PRELID2: variants seen among roughly 807,000 people sequenced by gnomAD.
PRELID2 encodes PRELI domain containing 2, also known as PRELI domain-containing protein 2.
In PRELID2, 25 loss-of-function variants were observed where a neutral mutation model predicts 28.4. The observed-to-expected ratio is 0.88, with a 90% CI of 0.64 to 1.23. The LOEUF (loss-of-function observed/expected upper bound fraction) is 1.23, where lower values mean the gene tolerates loss of function less well. Ranked by LOEUF, PRELID2 falls within the 50% of genes most tolerant of loss-of-function variation. The pLI is 0.00. For missense variants in PRELID2, 201 were observed against 214.4 expected (o/e 0.94, Z 0.39); for synonymous variants, 76 against 71.6 (o/e 1.06, Z -0.31).
intron 1 of PRELID2, among the ~76,000 whole-genome samples, chr5:145,671,941 T>C (rs1754714728): frequency 1.3e-5 from 2 of 152,110 alleles, no homozygotes; most frequent in South Asian, 4.1e-4. Context: ...AGAACTGCAA[T>C]TCAGAAACAA....
intron 5 of PRELID2, among the ~76,000 whole-genome samples, chr5:145,786,366 T>C (rs1367704507): frequency 6.6e-6 from 1 of 152,182 alleles, no homozygotes; most frequent in African/African-American, 2.4e-5. Flanking sequence ...GTCACTTCAA[T>C]TAGTTTATAA....
At chr5:145,762,434 G>A (rs761106699) in intron 6 of PRELID2, among the ~76,000 whole-genome samples, 4 of 151,906 alleles carry the variant, frequency 2.6e-5, no homozygotes, top group Non-Finnish European at 5.9e-5. Flanking sequence ...CTACTAAGGG[G>A]GCTGAGGTGT....
chr5:145,792,415 T>G (rs867270267), intron 5 of PRELID2, among the ~76,000 whole-genome samples: 2 of 152,350 alleles, frequency 1.3e-5, no homozygotes, highest in South Asian at 4.1e-4. Context: ...AAGCACTAGC[T>G]GTTATTTTAA....
intron 2 of PRELID2, among the ~76,000 whole-genome samples, chr5:145,821,997 A>G (rs1004169364): frequency 6.6e-5 from 10 of 152,202 alleles, no homozygotes; most frequent in African/African-American, 2.4e-4. Context: ...ACATGAGAAA[A>G]TATTTTTAAT....
chr5:145,765,023 T>A (rs956898422), intron 5 of PRELID2, 23 bp from the exon 6 acceptor site: 3 of 1,516,712 alleles, frequency 2.0e-6, no homozygotes, highest in Non-Finnish European at 2.7e-6. Context: ...GGAAAAAAAA[T>A]TAAAATGCCC....
At chr5:145,697,850 A>C (rs1755314788) in intron 1 of PRELID2, among the ~76,000 whole-genome samples, 1 of 152,168 alleles carries the variant, frequency 6.6e-6, no homozygotes, top group African/African-American at 2.4e-5. Context: ...AATTACAAGA[A>C]GACATTTTGT....
the PRELID2 span, among the ~76,000 whole-genome samples, chr5:145,466,188 A>T: frequency 6.6e-6 from 1 of 152,178 alleles, no homozygotes; most frequent in African/African-American, 2.4e-5. Flanking sequence ...AAAACAGATA[A>T]GAACATCTAA....
At chr5:145,387,137 G>T in the PRELID2 span, among the ~76,000 whole-genome samples, 1 of 152,110 alleles carries the variant, frequency 6.6e-6, no homozygotes, top group African/African-American at 2.4e-5. Flanking sequence ...GCATGACCAG[G>T]TATACTTACT....
At chr5:145,459,949 A>G in the PRELID2 span, among the ~76,000 whole-genome samples, 1,500 of 151,996 alleles carry the variant, frequency 9.9e-3, 12 homozygotes, top group African/African-American at 0.021. Flanking sequence ...AGCTAGGACT[A>G]CAGGGGGCAT....
At chr5:145,723,171 T>C (rs1471786171) in intron 1 of PRELID2, among the ~76,000 whole-genome samples, 1 of 152,170 alleles carries the variant, frequency 6.6e-6, no homozygotes, top group Non-Finnish European at 1.5e-5. Flanking sequence ...TTCATCACCA[T>C]ACTGTGAAAA....
At chr5:145,727,238 C>G (rs1190904379) in intron 1 of PRELID2, among the ~76,000 whole-genome samples, 1 of 152,186 alleles carries the variant, frequency 6.6e-6, no homozygotes, top group Non-Finnish European at 1.5e-5. Flanking sequence ...GCCAGCAAGT[C>G]TAGACACACT....
At chr5:145,741,304 ATAAT>A (rs1247626913) in intron 1 of PRELID2, among the ~76,000 whole-genome samples, 146 of 97,266 alleles carry the variant, frequency 1.5e-3, no homozygotes, top group African/African-American at 4.7e-3. Context: ...TTATATATAA[ATAAT>A]TTATTTATAA....
intron 6 of PRELID2, among the ~76,000 whole-genome samples, chr5:145,764,212 C>A (rs338888): frequency 6.6e-4 from 101 of 152,306 alleles, no homozygotes; most frequent in African/African-American, 2.4e-3. Context: ...CTTTCCACTA[C>A]AAAGACCATT....
At chr5:145,477,206 G>A (rs1752110694) in intron 1 of PRELID2, among the ~76,000 whole-genome samples, 1 of 152,134 alleles carries the variant, frequency 6.6e-6, no homozygotes, top group African/African-American at 2.4e-5. Flanking sequence ...GACCAAGATT[G>A]GATCTTTGCA....
chr5:145,495,338 A>G (rs1171910091), intron 1 of PRELID2, among the ~76,000 whole-genome samples: 1 of 152,224 alleles, frequency 6.6e-6, no homozygotes, highest in Non-Finnish European at 1.5e-5. Context: ...GAGCATCAGC[A>G]GAATCTGCTA....
the PRELID2 span, among the ~76,000 whole-genome samples, chr5:145,245,267 C>A: frequency 1.3e-5 from 2 of 151,986 alleles, no homozygotes; most frequent in African/African-American, 4.8e-5. Context: ...CTTGCAAATC[C>A]TCAGAGACCA....
the PRELID2 span, among the ~76,000 whole-genome samples, chr5:145,423,423 C>A: frequency 1.3e-5 from 2 of 152,156 alleles, no homozygotes; most frequent in Non-Finnish European, 2.9e-5. Flanking sequence ...TTCTTGGAGG[C>A]TTTGCTCATT....
intron 1 of PRELID2, among the ~76,000 whole-genome samples, chr5:145,503,773 G>A (rs1752380895): frequency 6.6e-6 from 1 of 152,056 alleles, no homozygotes; most frequent in African/African-American, 2.4e-5. Flanking sequence ...GGTTTGCATT[G>A]GGATTCTGTG....
chr5:145,372,673 G>T, the PRELID2 span, among the ~76,000 whole-genome samples: 2 of 151,164 alleles, frequency 1.3e-5, no homozygotes. Context: ...TGCAACCCCT[G>T]CTTCCTTTTG....
Sources: allele counts gnomAD v4.1 joint callset (sites outside exome capture counted in the v4.1 genomes callset), GRCh38; gene constraint gnomAD v4.1.1; transcripts MANE v1.5; gene names NCBI Gene and HGNC (gene_info 2026-07-23, HGNC 2026-07-21).